The following CACUL1 variants were observed in gnomAD, a reference collection of about 807,000 sequenced individuals.
CACUL1 encodes the protein CDK2-associated and cullin domain-containing protein 1.
In CACUL1, 13 loss-of-function variants were observed where a neutral mutation model predicts 45.2. That is an observed-to-expected ratio of 0.29 (90% CI 0.19 to 0.46). The LOEUF is 0.46. Ranked by LOEUF, CACUL1 falls within the 20% of genes least tolerant of loss-of-function variation. CACUL1 has a pLI of 1.00. For missense variants in CACUL1, 421 were observed against 471.4 expected (o/e 0.89, Z 0.99); for synonymous variants, 197 against 174.2 (o/e 1.13, Z -1.03).
At chr10:118,699,427 A>T (rs1467715821) in intron 5 of CACUL1, among the ~76,000 whole-genome samples, 2 of 152,238 alleles carry the variant, frequency 1.3e-5, no homozygotes, top group Non-Finnish European at 2.9e-5. Flanking sequence ...TCTCTCTTGA[A>T]TATTCTCTTT....
At position 118,677,093 on chromosome 10, in the gene CACUL1, C is replaced by G. The variant is rs1337930106; in HGVS notation, c.*9035G>C. On this transcript the variant is annotated 3_prime_UTR_variant, in exon 9 of 9. Coordinates refer to ENST00000369151, the MANE Select transcript of CACUL1 (RefSeq NM_153810.5). ...TAATGTTCTCTAATTATACCAGCAC[C>G]TTTCATAAAATAATTGACCATGGAC... The G allele has an allele frequency of 1.3e-5, 2 of 152,100 alleles. No individual in the cohort carries two copies. The highest frequency in any genetic ancestry group is 4.8e-5 in the African/African-American group (2 of 41,390). 9.4% of individuals were successfully genotyped at this position (152,100 alleles called of 1,614,324 possible).
intron 6 of CACUL1, among the ~76,000 whole-genome samples, chr10:118,693,981 C>T (rs980735853): frequency 1.1e-4 from 16 of 152,168 alleles, no homozygotes; most frequent in Admixed American, 9.8e-4. Context: ...GTGGTACAAT[C>T]AGCTCAGGAA....
chr10:118,690,982 T>C (rs963270990), intron 7 of CACUL1, among the ~76,000 whole-genome samples: 2 of 151,998 alleles, frequency 1.3e-5, no homozygotes, highest in African/African-American at 2.4e-5. Flanking sequence ...ACCCAGGAGG[T>C]GGAGGTTGTG....
Position 118,686,063 on chromosome 10 carries a change from G to T in CACUL1, c.*65C>A. The T allele has an allele frequency of 7.9e-7, 1 of 1,272,640 alleles. No homozygotes were observed. The highest frequency in any genetic ancestry group is 1.1e-6 in the Non-Finnish European group (1 of 870,754). The allele number at this position is 1,272,640 out of a possible 1,614,324, so 78.8% of individuals were successfully genotyped here. A position where few individuals can be genotyped will look rare whatever the true frequency, so the allele number is the denominator to read the frequency against. Reference sequence around the variant, plus strand: ...GTGTGTGCAGCCCCCACTGTGCTCTGAATACAGTCTCTGCAGCTCCAGTGT... The same window carrying T: ...GTGTGTGCAGCCCCCACTGTGCTCTTAATACAGTCTCTGCAGCTCCAGTGT... On this transcript the variant is annotated 3_prime_UTR_variant, in exon 9 of 9. Coordinates refer to ENST00000369151, the MANE Select transcript of CACUL1 (RefSeq NM_153810.5).
chr10:118,754,632 G>A lies in CACUL1; in HGVS notation c.131C>T (p.Ser44Leu), dbSNP rs750113411. Reference sequence around the variant, plus strand: ...AGGCTCTCGGGCAGGGGCCGGGATCGACGAGGGGGGCGGCGGAGGTGGCAG... The same window carrying A: ...AGGCTCTCGGGCAGGGGCCGGGATCAACGAGGGGGGCGGCGGAGGTGGCAG... The part of the protein sequence containing the change: ...QPLPPPPPPS[S>L]IPAPAREPPG... Residue 44 changes from serine to leucine, a missense_variant, in exon 1 of 9, where the codon TCG becomes TTG. By Grantham distance (145) the Ser-to-Leu change is moderately radical. Around this residue, in one of 2 missense-constraint regions of CACUL1, gnomAD observed 213 missense variants for 173.1 expected, o/e 1.23. Transcript: ENST00000369151. 6.8e-6 allele frequency: 11 copies of A among 1,607,022 alleles called. No homozygotes were observed. The highest frequency in any genetic ancestry group is 9.3e-6 in the Non-Finnish European group (11 of 1,177,352).
intron 1 of CACUL1, among the ~76,000 whole-genome samples, chr10:118,737,708 C>G (rs1401182386): frequency 2.1e-5 from 3 of 144,424 alleles, no homozygotes; most frequent in Non-Finnish European, 4.5e-5. Context: ...AAAAAAAAAC[C>G]TAGCTGTAGT....
At chr10:118,716,237 A>AAAAAAG (rs1229958939) in intron 3 of CACUL1, among the ~76,000 whole-genome samples, 2 of 151,814 alleles carry the variant, frequency 1.3e-5, no homozygotes, top group Non-Finnish European at 2.9e-5. Context: ...GTCTCAAAAA[A>AAAAAAG]AAAAAGAAAA....
chr10:118,741,973 C>A lies in CACUL1; in HGVS notation c.368-11563G>T, dbSNP rs537531858. Among the ~76,000 whole-genome samples the A allele has an allele frequency of 3.3e-4, 51 of 152,328 alleles. No individual in the cohort carries two copies. In the East Asian group the frequency reaches 9.1e-3, roughly 27 times the overall value. ...CAGTCCAGCTTCCCCATCCCCACCC[C>A]CTATCCTCCTGGCCAACTTCTATTC... On this transcript the variant is annotated intron_variant, in intron 1 of 8. Coordinates refer to ENST00000369151, the MANE Select transcript of CACUL1 (RefSeq NM_153810.5).
At chr10:118,751,456 C>A (rs1267323716) in intron 1 of CACUL1, among the ~76,000 whole-genome samples, 2 of 152,124 alleles carry the variant, frequency 1.3e-5, no homozygotes, top group Admixed American at 1.3e-4. Context: ...CTCTCCCTAA[C>A]AACATATGAC....
chr10:118,718,365 A>C (rs1482617279), intron 3 of CACUL1, among the ~76,000 whole-genome samples: 1 of 152,096 alleles, frequency 6.6e-6, no homozygotes, highest in East Asian at 1.9e-4. Context: ...GAGGGAACTC[A>C]CCTGCACACC....
At chr10:118,692,942 C>T (rs1036401757) in intron 6 of CACUL1, 2 of 152,198 alleles carry the variant, frequency 1.3e-5, no homozygotes, top group African/African-American at 4.8e-5. Context: ...TCCCTCCTTC[C>T]AGTCCAGCTC....
intron 3 of CACUL1, among the ~76,000 whole-genome samples, chr10:118,723,838 C>A (rs577186109): frequency 4.6e-5 from 7 of 152,018 alleles, no homozygotes; most frequent in Non-Finnish European, 8.8e-5. Context: ...TACAGTGGCA[C>A]CACTGCAACT....
intron 3 of CACUL1, among the ~76,000 whole-genome samples, chr10:118,708,640 G>A (rs1845455451): frequency 6.6e-6 from 1 of 152,144 alleles, no homozygotes; most frequent in African/African-American, 2.4e-5. Context: ...GAATAAGGAA[G>A]TAATTAAGGC....
chr10:118,691,938 T>C (rs1845275376), intron 6 of CACUL1, among the ~76,000 whole-genome samples: 2 of 151,572 alleles, frequency 1.3e-5, no homozygotes, highest in Admixed American at 1.3e-4. Context: ...CTTTACTGAT[T>C]TAACAGAATT....
At chr10:118,730,204 A>G in intron 2 of CACUL1, 80 bp downstream of exon 2, 1 of 1,401,480 alleles carries the variant, frequency 7.1e-7, no homozygotes, top group Non-Finnish European at 1.0e-6. Context: ...TCTACATTAC[A>G]TGTTTGTGTG....
chr10:118,738,439 G>A (rs1025002312), intron 1 of CACUL1, among the ~76,000 whole-genome samples: 25 of 152,098 alleles, frequency 1.6e-4, no homozygotes, highest in Admixed American at 1.1e-3. Flanking sequence ...AGAATGCTAC[G>A]CGCCAGGAAA....
rs377255726 is a variant in CACUL1, at chr10:118,701,285, C to T, written c.796+21G>A. The T allele has an allele frequency of 3.7e-6, 5 of 1,347,382 alleles. No homozygotes were observed. Among genetic ancestry groups the T allele is most frequent in the Non-Finnish European group, 5.2e-6 (5 of 970,406 alleles). The allele number at this position is 1,347,382 out of a possible 1,614,324, so 83.5% of individuals were successfully genotyped here. ...AGATCATTGCTAGTGTTATCTCACC[C>T]GTATAAGCTGAATTACTTACGCATT... is the stretch of plus-strand genomic sequence containing the variant. On this transcript the variant is annotated intron_variant, in intron 5 of 8. Coordinates refer to ENST00000369151, the MANE Select transcript of CACUL1 (RefSeq NM_153810.5).
chr10:118,727,428 A>G (rs1845662261), intron 3 of CACUL1, among the ~76,000 whole-genome samples: 1 of 151,552 alleles, frequency 6.6e-6, no homozygotes, highest in African/African-American at 2.4e-5. Flanking sequence ...CACTAACATC[A>G]GAAGAAATAT....
rs2119532883 is a variant in CACUL1, at chr10:118,683,106, G to C, written c.*3022C>G. 1 of 152,294 alleles carries C rather than the reference G, an allele frequency of 6.6e-6. No homozygotes were observed. The highest frequency in any genetic ancestry group is 2.1e-4 in the South Asian group (1 of 4,824). 9.4% of individuals were successfully genotyped at this position (152,294 alleles called of 1,614,324 possible). ...GTCACAAAATGACAATGTTACTGAA[G>C]CTTAAGGCCAACCTTTAAAACATGT... On this transcript the variant is annotated 3_prime_UTR_variant, in exon 9 of 9. Coordinates refer to ENST00000369151, the MANE Select transcript of CACUL1 (RefSeq NM_153810.5).
Sources: allele counts gnomAD v4.1 joint callset (sites outside exome capture counted in the v4.1 genomes callset), GRCh38; gene constraint gnomAD v4.1.1; regional missense constraint gnomAD v4.1.1; transcripts MANE v1.5; gene names NCBI Gene and HGNC (gene_info 2026-07-23, HGNC 2026-07-21).